ENAH: variants seen among roughly 807,000 people sequenced by gnomAD.
ENAH encodes ENAH actin regulator.
A neutral mutation model predicts 78.7 loss-of-function variants in ENAH; 23 were observed. The observed-to-expected ratio is 0.29, with a 90% CI of 0.21 to 0.41. The LOEUF (loss-of-function observed/expected upper bound fraction) is 0.41. Among genes scored for constraint, ENAH ranks in the 10% least tolerant of loss-of-function variants. ENAH has a pLI of 1.00. For synonymous variants in ENAH, 226 were observed against 241.0 expected (o/e 0.94, Z 0.58); for missense variants, 544 against 691.0 (o/e 0.79, Z 2.39).
chr1:225,541,884 TTTTTG>T (rs1239893689), intron 3 of ENAH, among the ~76,000 whole-genome samples: 1 of 152,142 alleles, frequency 6.6e-6, no homozygotes, highest in Admixed American at 6.5e-5. Context: ...TCTAGTTTGT[TTTTTG>T]TTTTGTTTTG....
At chr1:225,543,360 T>TA (rs1331723360) in intron 3 of ENAH, among the ~76,000 whole-genome samples, 1 of 152,210 alleles carries the variant, frequency 6.6e-6, no homozygotes, top group Non-Finnish European at 1.5e-5. Context: ...AACTCCTTCA[T>TA]AAAAAATGTA....
At chr1:225,511,742 A>C in intron 10 of ENAH, 69 bp downstream of exon 10, 1 of 1,175,134 alleles carries the variant, frequency 8.5e-7, no homozygotes, top group East Asian at 2.6e-5. Flanking sequence ...GAAAGGGGGA[A>C]TTTTTAACTG....
At chr1:225,637,905 A>G (rs924922991) in intron 1 of ENAH, among the ~76,000 whole-genome samples, 13 of 152,176 alleles carry the variant, frequency 8.5e-5, no homozygotes, top group African/African-American at 3.1e-4. Context: ...CCTGTGTAAC[A>G]GTCAGGCCTT....
chr1:225,645,464 T>G (rs1190467717), intron 1 of ENAH, among the ~76,000 whole-genome samples: 1 of 152,256 alleles, frequency 6.6e-6, no homozygotes, highest in African/African-American at 2.4e-5. Flanking sequence ...TTATTTCTGC[T>G]TTTTGGCTGT....
intron 4 of ENAH, among the ~76,000 whole-genome samples, chr1:225,523,603 A>G (rs1462453891): frequency 6.6e-6 from 1 of 152,128 alleles, no homozygotes; most frequent in African/African-American, 2.4e-5. Context: ...CTTTAAGCTA[A>G]TTTTTAGCTT....
chr1:225,542,880 G>A (rs145134221), intron 3 of ENAH, among the ~76,000 whole-genome samples: 2,182 of 152,192 alleles, frequency 0.014, 56 homozygotes, highest in African/African-American at 0.047. Flanking sequence ...TGAGCTGGGT[G>A]TGGTGGCATG....
Position 225,513,025 on chromosome 1 carries a change from G to T in ENAH, c.1219-9C>A. 1 of 1,605,450 alleles carries T rather than the reference G, an allele frequency of 6.2e-7. No homozygotes were observed. Among genetic ancestry groups the T allele is most frequent in the Non-Finnish European group, 8.5e-7 (1 of 1,176,710 alleles). On this transcript the variant is annotated splice_polypyrimidine_tract_variant and intron_variant, in intron 7 of 13. Transcript: ENST00000366843. ...AAAGAGGTATCCTCCATCTTAATGA[G>T]AATATACAGACATAATCAACTCCTA...
At position 225,631,289 on chromosome 1, in the gene ENAH, A is replaced by C. The variant is rs536061418; in HGVS notation, c.5+21397T>G. ...TGAGAAGTATGCAAAACAAATCTGT[A>C]CAAAGGCCAGGGACTTTGGCTCATG... On this transcript the variant is annotated intron_variant, in intron 1 of 13. Transcript: ENST00000366843. 3.9e-5 allele frequency among the ~76,000 whole-genome samples: 6 copies of C among 152,216 alleles called. No homozygotes were observed. The South Asian group carries it at 1.2e-3, about 32-fold the overall frequency.
At chr1:225,576,889 C>A (rs2096790860) in intron 1 of ENAH, among the ~76,000 whole-genome samples, 1 of 152,140 alleles carries the variant, frequency 6.6e-6, no homozygotes, top group South Asian at 2.1e-4. Flanking sequence ...AATCCCAGCA[C>A]TTTGGGAGGC....
At chr1:225,527,116 C>T (rs1273234150) in intron 4 of ENAH, among the ~76,000 whole-genome samples, 2 of 152,156 alleles carry the variant, frequency 1.3e-5, no homozygotes, top group African/African-American at 4.8e-5. Flanking sequence ...CAACTTTCAC[C>T]TAATCCCTCT....
rs1246131231 is a variant in ENAH at position 225,490,153 on chromosome 1, A to C, written c.*7622T>G. ...TCCAATGACCTGCCCACAACTCCACACACAAAAAAGGACAGACTGAGAGAG... is the reference window on the plus strand; with the variant it reads ...TCCAATGACCTGCCCACAACTCCACCCACAAAAAAGGACAGACTGAGAGAG... On this transcript the variant is annotated 3_prime_UTR_variant, in exon 14 of 14. Transcript: ENST00000366843. 6.6e-6 allele frequency: 1 copy of C among 152,212 alleles called. No individual in the cohort carries two copies. Among genetic ancestry groups the C allele is most frequent in the Non-Finnish European group, 1.5e-5 (1 of 68,064 alleles). 9.4% of individuals were successfully genotyped at this position (152,212 alleles called of 1,614,324 possible). A position where few individuals can be genotyped will look rare whatever the true frequency, so the allele number is the denominator to read the frequency against.
intron 3 of ENAH, among the ~76,000 whole-genome samples, chr1:225,552,960 A>G (rs1434592035): frequency 1.3e-5 from 2 of 152,198 alleles, no homozygotes; most frequent in Admixed American, 1.3e-4. Flanking sequence ...AAGGCTGTGC[A>G]CGGTGGCTCA....
At chr1:225,517,941 G>T in intron 5 of ENAH, 1 of 1,548,702 alleles carries the variant, frequency 6.5e-7, no homozygotes, top group Non-Finnish European at 8.7e-7. Flanking sequence ...GCTGGCAACT[G>T]GAATACTCAG....
rs750870177 is a variant in ENAH at position 225,488,936 on chromosome 1, C to T, written c.*8839G>A. ...TCTTTTGGATTAAAACCAGGGAACT[C>T]GGAAGGAATGACTACATGGATATAG... On this transcript the variant is annotated 3_prime_UTR_variant, in exon 14 of 14. Coordinates refer to ENST00000366843, the MANE Select transcript of ENAH (RefSeq NM_018212.6). The T allele has an allele frequency of 6.6e-6, 1 of 152,066 alleles. No homozygotes were observed. The highest frequency in any genetic ancestry group is 2.4e-5 in the African/African-American group (1 of 41,380). 9.4% of individuals were successfully genotyped at this position (152,066 alleles called of 1,614,324 possible).
rs147120560 is a variant in ENAH at position 225,635,168 on chromosome 1, C to T, written c.5+17518G>A. ...TTTTACTTCCTTGGTTAAATTTATTCCTAGGTGTTTATTTCTTTAGATGCT... is the reference window on the plus strand; with the variant it reads ...TTTTACTTCCTTGGTTAAATTTATTTCTAGGTGTTTATTTCTTTAGATGCT... On this transcript the variant is annotated intron_variant, in intron 1 of 13. Coordinates refer to ENST00000366843, the MANE Select transcript of ENAH (RefSeq NM_018212.6). Among the ~76,000 whole-genome samples the T allele has an allele frequency of 4.7e-4, 71 of 152,090 alleles. 2 individuals carry two copies. The East Asian group carries it at 0.013, about 29-fold the overall frequency.
At chr1:225,552,614 C>T (rs1051624777) in intron 3 of ENAH, among the ~76,000 whole-genome samples, 2 of 152,138 alleles carry the variant, frequency 1.3e-5, no homozygotes, top group African/African-American at 4.8e-5. Context: ...TGAAAAACTA[C>T]AGAACTAAAA....
chr1:225,643,743 C>T (rs564630190), intron 1 of ENAH, among the ~76,000 whole-genome samples: 2 of 152,114 alleles, frequency 1.3e-5, no homozygotes, highest in South Asian at 4.2e-4. Context: ...CAAGACCAGC[C>T]TGGGCAACAT....
rs2096914653 is a variant in ENAH, at chr1:225,598,668, G to T, written c.6-31254C>A. On this transcript the variant is annotated intron_variant, in intron 1 of 13. Transcript: ENST00000366843. ...AATTCTATCCATCTATTGGAAAACA[G>T]GACAAAAAGGGATGGAAAAAAATAA... 2.6e-5 allele frequency among the ~76,000 whole-genome samples: 4 copies of T among 151,018 alleles called. No homozygotes were observed. The South Asian group carries it at 8.4e-4, about 32-fold the overall frequency.
intron 1 of ENAH, among the ~76,000 whole-genome samples, chr1:225,636,279 C>G (rs1441136463): frequency 6.6e-6 from 1 of 152,120 alleles, no homozygotes; most frequent in Non-Finnish European, 1.5e-5. Flanking sequence ...TTTACAGACT[C>G]AGAAAAAACT....
Sources: gnomAD v4.1 joint callset for allele counts (sites outside exome capture counted in the v4.1 genomes callset) on GRCh38, gnomAD v4.1.1 for gene constraint, MANE v1.5 for transcripts, NCBI Gene and HGNC (gene_info 2026-07-23, HGNC 2026-07-21) for gene names.